Variants in DNAH11 observed in about 807,000 individuals in gnomAD.
DNAH11 encodes dynein axonemal heavy chain 11.
Under a neutral mutation model 526.0 loss-of-function variants are expected in DNAH11, and 442 were observed. The ratio of observed to expected loss-of-function variants is 0.84; its 90% CI spans 0.78 to 0.91. The LOEUF is 0.91. Ranked by LOEUF, DNAH11 falls within the 40% of genes least tolerant of loss-of-function variation. The pLI, the probability that DNAH11 is intolerant of heterozygous loss-of-function variation, is 0.00. For synonymous variants in DNAH11, 2,461 were observed against 1,935.9 expected (o/e 1.27, Z -7.12); for missense variants, 6,989 against 5,448.7 (o/e 1.28, Z -8.90).
At chr7:21,707,856 G>C (rs1465542081) in intron 40 of DNAH11, 21 bp downstream of exon 40, 1 of 1,549,742 alleles carries the variant, frequency 6.5e-7, no homozygotes, top group African/African-American at 1.4e-5. Flanking sequence ...CCCTTTAGAA[G>C]TGCTCAATTT....
chr7:21,776,955 T>C (rs2127981309), intron 56 of DNAH11, among the ~76,000 whole-genome samples: 1 of 152,144 alleles, frequency 6.6e-6, no homozygotes, highest in South Asian at 2.1e-4. Flanking sequence ...TGTGTGTGTG[T>C]GTGTGTGTAT....
chr7:21,664,946 C>T (rs778494173), intron 30 of DNAH11, among the ~76,000 whole-genome samples: 49 of 152,100 alleles, frequency 3.2e-4, no homozygotes, highest in Non-Finnish European at 6.0e-4. Context: ...GCAATTTAAA[C>T]CTCAGCTCCA....
chr7:21,684,633 A>G (rs771475817), intron 32 of DNAH11, among the ~76,000 whole-genome samples: 33 of 152,222 alleles, frequency 2.2e-4, no homozygotes, highest in Non-Finnish European at 4.1e-4. Context: ...GTTACAGGCA[A>G]GAGCAAGGAC....
chr7:21,861,625 C>A (rs756554718), intron 68 of DNAH11, among the ~76,000 whole-genome samples: 1 of 152,112 alleles, frequency 6.6e-6, no homozygotes, highest in Non-Finnish European at 1.5e-5. Context: ...AATTCAATTG[C>A]TTGGAAGGAG....
chr7:21,760,136 A>C (rs1786834199), intron 54 of DNAH11, among the ~76,000 whole-genome samples: 1 of 151,988 alleles, frequency 6.6e-6, no homozygotes, highest in African/African-American at 2.4e-5. Context: ...GTGGGAGGAG[A>C]AGGGAGGGTG....
intron 56 of DNAH11, among the ~76,000 whole-genome samples, chr7:21,775,342 C>T (rs1787627644): frequency 6.6e-6 from 1 of 152,142 alleles, no homozygotes; most frequent in South Asian, 2.1e-4. Flanking sequence ...CTAGGCCAGG[C>T]ACAGTGGCTC....
At chr7:21,697,161 A>G (rs1005321567) in intron 35 of DNAH11, among the ~76,000 whole-genome samples, 2 of 152,182 alleles carry the variant, frequency 1.3e-5, no homozygotes, top group Admixed American at 1.3e-4. Context: ...TACTTTAAGA[A>G]GTCTAAAATA....
At position 21,687,153 on chromosome 7, in the gene DNAH11, T is replaced by G; in HGVS notation, c.5676T>G (p.Ala1892=). 6.2e-7 allele frequency: 1 copy of G among 1,613,472 alleles called. No individual in the cohort carries two copies. The highest frequency in any genetic ancestry group is 8.5e-7 in the Non-Finnish European group (1 of 1,179,656). Reference sequence around the variant, plus strand: ...ATCTAACCATGAGTGGGGCTCCTGCTGGCCCAGCTGGTACCGGGAAAACAG... The same window carrying G: ...ATCTAACCATGAGTGGGGCTCCTGCGGGCCCAGCTGGTACCGGGAAAACAG... ...SLHLTMSGAP[A]GPAGTGKTET... is the part of the protein sequence containing the mutation. The change falls in exon 33 of 82, where the codon GCT becomes GCG. Residue 1892 remains alanine, a synonymous_variant. Coordinates refer to ENST00000409508, the MANE Select transcript of DNAH11 (RefSeq NM_001277115.2).
Position 21,901,393 on chromosome 7 carries a change from T to G in DNAH11, c.*139T>G. On this transcript the variant is annotated 3_prime_UTR_variant, in exon 82 of 82. Transcript: ENST00000409508. ...TCTTTTTTCAACGCTATCCTTAGAG[T>G]GAAAGTCAGAAAAAAATACTAGAAA... 1 of 1,233,378 alleles carries G rather than the reference T, an allele frequency of 8.1e-7. No individual in the cohort carries two copies. The highest frequency in any genetic ancestry group is 1.0e-6 in the Non-Finnish European group (1 of 954,294). The allele number at this position is 1,233,378 out of a possible 1,614,324, so 76.4% of individuals were successfully genotyped here.
rs750214113 is a variant in DNAH11 at position 21,559,638 on chromosome 7, T to G, written c.728T>G (p.Ile243Ser). Residue 243 changes from isoleucine to serine, a missense_variant, in exon 4 of 82, where the codon ATT becomes AGT. By Grantham distance (142) the Ile-to-Ser change is moderately radical. Transcript: ENST00000409508. ...PSNERIILHA[I>S]ESVVIEWSHQ... ...AACGAAAGGATAATACTTCATGCAATTGAATCTGTGGTTATTGAATGGTCA... is the reference window on the plus strand; with the variant it reads ...AACGAAAGGATAATACTTCATGCAAGTGAATCTGTGGTTATTGAATGGTCA... 1.2e-6 allele frequency: 2 copies of G among 1,611,534 alleles called. No individual in the cohort carries two copies. Among genetic ancestry groups the G allele is most frequent in the Admixed American group, 3.3e-5 (2 of 59,728 alleles).
At chr7:21,688,064 A>C (rs1207820969) in intron 34 of DNAH11, among the ~76,000 whole-genome samples, 1 of 152,296 alleles carries the variant, frequency 6.6e-6, no homozygotes, top group South Asian at 2.1e-4. Flanking sequence ...CCTTTCTCCA[A>C]AAAACCCAAA....
At position 21,599,976 on chromosome 7, in the gene DNAH11, C is replaced by G. The variant is rs1055453070; in HGVS notation, c.2857C>G (p.Pro953Ala). The G allele has an allele frequency of 1.9e-5, 30 of 1,613,328 alleles. No homozygotes were observed. The highest frequency in any genetic ancestry group is 2.3e-5 in the Non-Finnish European group (27 of 1,179,718). The change falls in exon 15 of 82, where the codon CCT becomes GCT. Residue 953 changes from proline to alanine, a missense_variant. Coordinates refer to ENST00000409508, the MANE Select transcript of DNAH11 (RefSeq NM_001277115.2). ...TCAAGCACAAATGATCTTGTTGCCT[C>G]CTGAGATTGTGTTTAAACCTTCCCT... Reference protein sequence around the residue: ...FFQAQMILLPPEIVFKPSLDR... With the variant: ...FFQAQMILLPAEIVFKPSLDR...
intron 36 of DNAH11, 64 bp downstream of exon 36, chr7:21,698,277 G>C: frequency 2.5e-6 from 4 of 1,577,940 alleles, no homozygotes; most frequent in Non-Finnish European, 3.4e-6. Context: ...TTGAAGTATG[G>C]ATTTTAGGTA....
At chr7:21,898,703 C>T (rs1440854263) in intron 79 of DNAH11, among the ~76,000 whole-genome samples, 1 of 152,152 alleles carries the variant, frequency 6.6e-6, no homozygotes, top group Non-Finnish European at 1.5e-5. Context: ...CAAATACTTC[C>T]TACCTTGCCC....
At chr7:21,796,481 G>A (rs1404736516) in intron 61 of DNAH11, among the ~76,000 whole-genome samples, 15 of 152,178 alleles carry the variant, frequency 9.9e-5, no homozygotes, top group Admixed American at 9.8e-4. Context: ...AAGTCAAGGA[G>A]AGAAACTTGG....
Position 21,773,785 on chromosome 7 carries a change from T to C in DNAH11, c.9122T>C (p.Ile3041Thr). 6.2e-7 allele frequency: 1 copy of C among 1,600,782 alleles called. No individual in the cohort carries two copies. Reference sequence around the variant, plus strand: ...TTTCAGCCAGTGCACAAAGACTCTATTAGCCTTTTCATGGCACATGTTCAC... The same window carrying C: ...TTTCAGCCAGTGCACAAAGACTCTACTAGCCTTTTCATGGCACATGTTCAC... The part of the protein sequence containing the change: ...KGIEPVHKDS[I>T]SLFMAHVHTT... Residue 3041 changes from isoleucine (I) to threonine (T), a missense_variant, in exon 56 of 82, where the codon ATT (isoleucine) becomes ACT (threonine). By Grantham distance (89) the Ile-to-Thr change is moderately conservative. Coordinates refer to ENST00000409508, the MANE Select transcript of DNAH11 (RefSeq NM_001277115.2).
chr7:21,901,348 T>C lies in DNAH11; in HGVS notation c.*94T>C. ...TTCCCATGCACATTATTCTAACTTT[T>C]TAGTAACTCACACGTGCATTCTTTT... On this transcript the variant is annotated 3_prime_UTR_variant, in exon 82 of 82. Transcript: ENST00000409508. 7.0e-7 allele frequency: 1 copy of C among 1,421,140 alleles called. No homozygotes were observed. Among genetic ancestry groups the C allele is most frequent in the Non-Finnish European group, 9.2e-7 (1 of 1,081,612 alleles). 88.0% of individuals were successfully genotyped at this position (1,421,140 alleles called of 1,614,324 possible).
At position 21,901,244 on chromosome 7, in the gene DNAH11, T is replaced by C; in HGVS notation, c.13541T>C (p.Leu4514Pro). Residue 4514 changes from leucine (L) to proline (P), a missense_variant, in exon 82 of 82, where the codon CTA becomes CCA. By Grantham distance (98) the Leu-to-Pro change is moderately conservative (BLOSUM62 -3). Coordinates refer to ENST00000409508, the MANE Select transcript of DNAH11 (RefSeq NM_001277115.2). ...KWVLAGVALL[L>P]EA ...GTTCTGGCTGGAGTGGCTCTGCTTC[T>C]AGAAGCGTAAGGTAACACTGGCATT... is the stretch of plus-strand genomic sequence containing the variant. The C allele has an allele frequency of 6.2e-7, 1 of 1,605,252 alleles. No homozygotes were observed. The highest frequency in any genetic ancestry group is 8.5e-7 in the Non-Finnish European group (1 of 1,175,746).
chr7:21,647,388 A>C (rs1787401644), intron 28 of DNAH11, among the ~76,000 whole-genome samples: 1 of 151,802 alleles, frequency 6.6e-6, no homozygotes, highest in Non-Finnish European at 1.5e-5. Flanking sequence ...TTGGAAACAA[A>C]GCAAGTAAGC....
Sources: gnomAD v4.1 joint callset for allele counts (sites outside exome capture counted in the v4.1 genomes callset) on GRCh38, gnomAD v4.1.1 for gene constraint, MANE v1.5 for transcripts, NCBI Gene and HGNC (gene_info 2026-07-23, HGNC 2026-07-21) for gene names.